Variants in SAR1A observed in about 807,000 individuals in gnomAD.
The protein encoded by SAR1A is small COPII coat GTPase SAR1A.
SAR1A carries 6 observed loss-of-function variants against 22.6 expected under a neutral mutation model. That is an observed-to-expected ratio of 0.27 (90% CI 0.15 to 0.52). SAR1A has a LOEUF of 0.52. Among genes scored for constraint, SAR1A ranks in the 20% least tolerant of loss-of-function variants. The pLI is 0.96. For missense variants in SAR1A, 145 were observed against 245.1 expected, an observed-to-expected ratio of 0.59 and a Z score of 2.73; for synonymous variants, 70 against 82.2, an observed-to-expected ratio of 0.85 and a Z score of 0.80.
chr10:70,153,996 GA>G (rs753854570), intron 5 of SAR1A, 27 bp from the exon 6 acceptor site: 11 of 1,507,992 alleles, frequency 7.3e-6, no homozygotes, highest in East Asian at 2.4e-5. Context: ...AAGAAAAAAA[GA>G]AAAAAAAGAA....
chr10:70,156,407 G>A (rs899645678), intron 5 of SAR1A, among the ~76,000 whole-genome samples: 2 of 152,188 alleles, frequency 1.3e-5, no homozygotes, highest in Non-Finnish European at 2.9e-5. Flanking sequence ...GCTCATGCCT[G>A]TAATCCCAGC....
Position 70,153,734 on chromosome 10 carries a change from G to A in SAR1A, c.480+104C>T, listed in dbSNP as rs1263530697. 3.3e-6 allele frequency: 3 copies of A among 913,530 alleles called. No homozygotes were observed. In the East Asian group the frequency reaches 8.4e-5, roughly 26 times the overall value. The allele number at this position is 913,530 out of a possible 1,614,324, so 56.6% of individuals were successfully genotyped here. ...ATACTCACAGTAAAACTAATCCTAA[G>A]CCTGTTTAAGCCTTTAAAAGAAAAG... On this transcript the variant is annotated intron_variant, in intron 6 of 6. Transcript: ENST00000373241.
At chr10:70,169,611 T>C (rs1459786408) in intron 1 of SAR1A, among the ~76,000 whole-genome samples, 1 of 152,194 alleles carries the variant, frequency 6.6e-6, no homozygotes, top group Non-Finnish European at 1.5e-5. Context: ...TTATACATAA[T>C]CAGGGCAACT....
chr10:70,162,325 G>C (rs895733567), intron 1 of SAR1A, among the ~76,000 whole-genome samples: 8 of 149,468 alleles, frequency 5.4e-5, no homozygotes, highest in Admixed American at 2.0e-4. Flanking sequence ...GCAACAGAGG[G>C]AGACTCTGAT....
chr10:70,161,286 A>T, intron 3 of SAR1A: 1 of 548,128 alleles, frequency 1.8e-6, no homozygotes, highest in Non-Finnish European at 3.2e-6. Flanking sequence ...GCAACGCCCC[A>T]CTCCCAACAA....
intron 6 of SAR1A, 110 bp downstream of exon 6, chr10:70,153,728 T>A: frequency 1.1e-6 from 1 of 891,888 alleles, no homozygotes; most frequent in Non-Finnish European, 1.6e-6. Context: ...GTAAAACTAA[T>A]CCTAAGCCTG....
chr10:70,155,776 G>GA (rs1411735615), intron 5 of SAR1A, among the ~76,000 whole-genome samples: 1 of 152,148 alleles, frequency 6.6e-6, no homozygotes, highest in African/African-American at 2.4e-5. Flanking sequence ...AGGTACAGGT[G>GA]AAAAAGCCAG....
intron 1 of SAR1A, among the ~76,000 whole-genome samples, chr10:70,165,182 G>A (rs1025068932): frequency 3.4e-5 from 5 of 149,220 alleles, no homozygotes; most frequent in South Asian, 4.2e-4. Flanking sequence ...GGAGAATGGC[G>A]TGAACCCGGG....
rs372610027 is a variant in SAR1A, at chr10:70,161,632, T to G, written c.165A>C (p.Pro55=). Residue 55 remains proline (P), a synonymous_variant, in exon 3 of 7, where the codon CCA becomes CCC. Transcript: ENST00000373241. The part of the protein sequence containing the change: ...LKDDRLGQHV[P]TLHPTSEELT... ...TTTCAAACCTACTCGGATGTAGTGT[T>G]GGAACATGTTGGCCCAATCTGTCAT... 5 of 1,612,194 alleles carry G rather than the reference T, an allele frequency of 3.1e-6. No homozygotes were observed. The African/African-American group carries it at 6.7e-5, about 22-fold the overall frequency.
intron 4 of SAR1A, among the ~76,000 whole-genome samples, chr10:70,160,520 T>G (rs184009340): frequency 2.6e-5 from 4 of 152,328 alleles, no homozygotes; most frequent in Non-Finnish European, 5.9e-5. Context: ...GAAAATATAC[T>G]GGCTTAGGGC....
At chr10:70,163,262 G>A (rs1327973758) in intron 1 of SAR1A, among the ~76,000 whole-genome samples, 1 of 152,144 alleles carries the variant, frequency 6.6e-6, no homozygotes, top group Non-Finnish European at 1.5e-5. Context: ...ATAAAAACAC[G>A]AGGTAAAAAA....
At chr10:70,163,990 G>A (rs878951986) in intron 1 of SAR1A, 1 of 1,106,870 alleles carries the variant, frequency 9.0e-7, no homozygotes, top group Non-Finnish European at 1.4e-6. Flanking sequence ...TATATTAGTG[G>A]TGTAGAACTT....
At position 70,155,555 on chromosome 10, in the gene SAR1A, A is replaced by C. The variant is rs137856791; in HGVS notation, c.349-1586T>G. Among the ~76,000 whole-genome samples, 7 of 149,456 alleles carry C rather than the reference A, an allele frequency of 4.7e-5. No homozygotes were observed. In the East Asian group the frequency reaches 1.3e-3, roughly 29 times the overall value. The stretch of plus-strand genomic sequence containing the variant: ...GCTTTGCTAGGTGCAGGGGTTTTGC[A>C]AAGAAATAAGACACAGTCCCTATCA... On this transcript the variant is annotated intron_variant, in intron 5 of 6. Transcript: ENST00000373241.
In SAR1A at chr10:70,152,092, A is replaced by G; in HGVS notation, c.*384T>C. 1 of 238,380 alleles carries G rather than the reference A, an allele frequency of 4.2e-6. No homozygotes were observed. Among genetic ancestry groups the G allele is most frequent in the Non-Finnish European group, 8.6e-6 (1 of 116,458 alleles). 14.8% of individuals were successfully genotyped at this position (238,380 alleles called of 1,614,324 possible). On this transcript the variant is annotated 3_prime_UTR_variant, in exon 7 of 7. Transcript: ENST00000373241. ...CTGGACCAAGTAAATTGTGAACTCA[A>G]AAAGTTAGGAGGGATACCAATTACA...
Position 70,152,322 on chromosome 10 carries a change from C to A in SAR1A, c.*154G>T. ...CAGTGTGGAGAAGAGCACATGTCACCACTGGGCAATGAGAGAGTTGACAGA... is the reference window on the plus strand; with the variant it reads ...CAGTGTGGAGAAGAGCACATGTCACAACTGGGCAATGAGAGAGTTGACAGA... On this transcript the variant is annotated 3_prime_UTR_variant, in exon 7 of 7. Transcript: ENST00000373241. The A allele has an allele frequency of 1.1e-6, 1 of 893,892 alleles. No homozygotes were observed. The highest frequency in any genetic ancestry group is 1.8e-6 in the Non-Finnish European group (1 of 566,924). 55.4% of individuals were successfully genotyped at this position (893,892 alleles called of 1,614,324 possible). A position where few individuals can be genotyped will look rare whatever the true frequency, so the allele number is the denominator to read the frequency against.
At chr10:70,162,501 G>A (rs1278481940) in intron 1 of SAR1A, among the ~76,000 whole-genome samples, 2 of 93,676 alleles carry the variant, frequency 2.1e-5, no homozygotes, top group African/African-American at 8.2e-5. Context: ...GGGAGGAGGG[G>A]AAGGGGAGGA....
chr10:70,155,294 C>T (rs1839373127), intron 5 of SAR1A, among the ~76,000 whole-genome samples: 1 of 151,580 alleles, frequency 6.6e-6, no homozygotes, highest in Non-Finnish European at 1.5e-5. Context: ...TTGAAGAGAC[C>T]AATGTCTAAA....
At chr10:70,161,123 C>T in intron 3 of SAR1A, 54 bp from the exon 4 acceptor site, 1 of 1,242,108 alleles carries the variant, frequency 8.1e-7, no homozygotes, top group Non-Finnish European at 1.2e-6. Context: ...CAACCCCCAA[C>T]TACTAGTACT....
At chr10:70,160,960 A>G in intron 4 of SAR1A, 44 bp downstream of exon 4, 2 of 1,465,932 alleles carry the variant, frequency 1.4e-6, no homozygotes, top group Non-Finnish European at 1.9e-6. Context: ...GAGGCACAAA[A>G]AAAATAAGTC....
Sources: allele counts gnomAD v4.1 joint callset (sites outside exome capture counted in the v4.1 genomes callset), GRCh38; gene constraint gnomAD v4.1.1; transcripts MANE v1.5; gene names NCBI Gene and HGNC (gene_info 2026-07-23, HGNC 2026-07-21).